The following DAB1 variants were observed in gnomAD, a reference collection of about 807,000 sequenced individuals.
DAB1 encodes DAB adaptor protein 1.
A neutral mutation model predicts 64.6 loss-of-function variants in DAB1; 15 were observed. That is an observed-to-expected ratio of 0.23 (90% confidence interval 0.16 to 0.36). The LOEUF is 0.36. Ranked by LOEUF, DAB1 falls within the 10% of genes least tolerant of loss-of-function variation. The pLI is 1.00. For missense variants in DAB1, 596 were observed against 706.7 expected (o/e 0.84, Z 1.78); for synonymous variants, 235 against 251.9 (o/e 0.93, Z 0.64).
intron 9 of DAB1, among the ~76,000 whole-genome samples, chr1:57,029,585 G>T (rs1213440370): frequency 6.6e-6 from 1 of 152,142 alleles, no homozygotes; most frequent in African/African-American, 2.4e-5. Flanking sequence ...TGGGAGGGAG[G>T]CTGTACCCTG....
intron 5 of DAB1, among the ~76,000 whole-genome samples, chr1:58,002,410 A>G (rs893404243): frequency 6.6e-6 from 1 of 152,208 alleles, no homozygotes; most frequent in Admixed American, 6.5e-5. Context: ...GTTCTTAAAG[A>G]TAATACATTG....
At chr1:57,225,550 T>C (rs1454603328) in intron 2 of DAB1, among the ~76,000 whole-genome samples, 2 of 152,166 alleles carry the variant, frequency 1.3e-5, no homozygotes, top group Non-Finnish European at 2.9e-5. Context: ...TACAGCTTTT[T>C]TGAGGATAGC....
chr1:57,420,751 T>C (rs780756830), intron 1 of DAB1, among the ~76,000 whole-genome samples: 2 of 152,230 alleles, frequency 1.3e-5, no homozygotes, highest in Admixed American at 6.5e-5. Flanking sequence ...TAGGTAATAT[T>C]GTCCGTTTTG....
chr1:57,931,865 T>C (rs754008486), intron 5 of DAB1, among the ~76,000 whole-genome samples: 16 of 152,088 alleles, frequency 1.1e-4, no homozygotes, highest in African/African-American at 2.4e-4. Flanking sequence ...GCTCTTATTG[T>C]TATTATTTCC....
At chr1:58,224,562 T>A (rs952890948) in intron 4 of DAB1, among the ~76,000 whole-genome samples, 35 of 152,280 alleles carry the variant, frequency 2.3e-4, no homozygotes, top group Admixed American at 1.6e-3. Context: ...TGTAGACTAG[T>A]GGGGACACCA....
At chr1:58,000,794 C>T (rs545282939) in intron 5 of DAB1, among the ~76,000 whole-genome samples, 1 of 152,096 alleles carries the variant, frequency 6.6e-6, no homozygotes, top group South Asian at 2.1e-4. Flanking sequence ...TGGTCTCAAA[C>T]TCCTGACCTC....
chr1:57,010,812 CTT>C (rs551230518), intron 13 of DAB1, 22 bp from the exon 14 acceptor site: 4 of 1,432,374 alleles, frequency 2.8e-6, no homozygotes, highest in South Asian at 2.8e-5. Flanking sequence ...GAAGATAATA[CTT>C]TTTTTTTTCT....
At chr1:57,519,522 C>T (rs1015333764) in intron 7 of DAB1, among the ~76,000 whole-genome samples, 1 of 152,090 alleles carries the variant, frequency 6.6e-6, no homozygotes. Context: ...GAAAGAGTCC[C>T]CTGGACATGG....
chr1:57,802,732 C>T (rs1174878476), intron 6 of DAB1, among the ~76,000 whole-genome samples: 1 of 152,134 alleles, frequency 6.6e-6, no homozygotes, highest in African/African-American at 2.4e-5. Flanking sequence ...GTAAGACACG[C>T]CCACTTCCCC....
rs187856973 is a variant in DAB1, at chr1:57,762,672, A to G, written n.552-113007T>C. 3.3e-5 allele frequency among the ~76,000 whole-genome samples: 5 copies of G among 152,298 alleles called. 1 individual carries two copies. Among genetic ancestry groups the G allele is most frequent in the Admixed American group, 3.3e-4 (5 of 15,288 alleles). On this transcript the variant is annotated intron_variant and non_coding_transcript_variant, in intron 6 of 20. Coordinates refer to the DAB1 transcript ENST00000485760. The stretch of plus-strand genomic sequence containing the variant: ...GCCCATTTTTATTTTATTTCAATGA[A>G]GACTAGTGACCAATGCCAGTCTGTG...
At position 58,399,968 on chromosome 1, in the gene DAB1, G is replaced by A. The variant is rs945092924; in HGVS notation, n.258-56565C>T. 7.9e-5 allele frequency among the ~76,000 whole-genome samples: 12 copies of A among 151,946 alleles called. No homozygotes were observed. In the East Asian group the frequency reaches 1.4e-3, roughly 17 times the overall value. On this transcript the variant is annotated intron_variant and non_coding_transcript_variant, in intron 3 of 20. Transcript: ENST00000485760. Reference sequence around the variant, plus strand: ...TTATTTAGTAGTCTTTGGTTGTAACGAAAACCAGCTCAAGCTAGCAAAAGC... The same window carrying A: ...TTATTTAGTAGTCTTTGGTTGTAACAAAAACCAGCTCAAGCTAGCAAAAGC...
chr1:57,691,655 A>T (rs554787353), intron 6 of DAB1, among the ~76,000 whole-genome samples: 1 of 152,062 alleles, frequency 6.6e-6, no homozygotes, highest in Non-Finnish European at 1.5e-5. Context: ...GACACATCTA[A>T]AGGAACAAAC....
intron 1 of DAB1, among the ~76,000 whole-genome samples, chr1:57,405,058 A>G (rs1445659510): frequency 1.3e-5 from 2 of 152,216 alleles, no homozygotes; most frequent in Non-Finnish European, 2.9e-5. Context: ...CTTAAATGAG[A>G]AAGCCACAGA....
At chr1:58,300,613 A>AAAGAAAGAAAGAAG (rs1557726080) in intron 4 of DAB1, among the ~76,000 whole-genome samples, 6 of 38,272 alleles carry the variant, frequency 1.6e-4, no homozygotes, top group African/African-American at 5.2e-4. Flanking sequence ...AGAAAGAAAG[A>AAAGAAAGAAAGAAG]GAGAGAGAGA....
At chr1:57,077,623 G>A (rs952444450) in intron 4 of DAB1, among the ~76,000 whole-genome samples, 1 of 152,028 alleles carries the variant, frequency 6.6e-6, no homozygotes, top group Non-Finnish European at 1.5e-5. Flanking sequence ...GTATTTCCAT[G>A]AGCCATTTAC....
At chr1:57,658,805 A>G (rs1226203326) in intron 6 of DAB1, among the ~76,000 whole-genome samples, 1 of 152,146 alleles carries the variant, frequency 6.6e-6, no homozygotes, top group Non-Finnish European at 1.5e-5. Flanking sequence ...CCTGGCCCCA[A>G]GCAGATAACC....
chr1:58,140,997 G>T (rs189520788), intron 5 of DAB1, among the ~76,000 whole-genome samples: 1 of 152,120 alleles, frequency 6.6e-6, no homozygotes, highest in Non-Finnish European at 1.5e-5. Flanking sequence ...TAATTGGCTC[G>T]TGGTTCTGCA....
rs74988820 is a variant in DAB1 at position 57,039,867 on chromosome 1, C to T, written c.724-13824G>A. On this transcript the variant is annotated intron_variant, in intron 9 of 14. Coordinates refer to ENST00000371236, the MANE Select transcript of DAB1 (RefSeq NM_001365792.1). ...AAAGGAAAGGAGATATCAATTGTGA[C>T]GCCTGAGAAATGATAGTGCTAGTGT... 2.8e-3 allele frequency among the ~76,000 whole-genome samples: 422 copies of T among 152,224 alleles called. 4 individuals are homozygous for T. Among genetic ancestry groups the T allele is most frequent in the African/African-American group, 9.8e-3 (406 of 41,548 alleles).
intron 5 of DAB1, among the ~76,000 whole-genome samples, chr1:57,918,627 A>C (rs192012337): frequency 6.6e-5 from 10 of 152,238 alleles, no homozygotes; most frequent in African/African-American, 2.2e-4. Flanking sequence ...GATACAGACC[A>C]TCCTGGCTAA....
Sources: allele counts gnomAD v4.1 joint callset (sites outside exome capture counted in the v4.1 genomes callset), GRCh38; gene constraint gnomAD v4.1.1; transcripts MANE v1.5; gene names NCBI Gene and HGNC (gene_info 2026-07-23, HGNC 2026-07-21).